Variants in ZNF417 observed in about 807,000 individuals in gnomAD.
ZNF417 encodes zinc finger protein 417.
In ZNF417, 5 loss-of-function variants were observed where a neutral mutation model predicts 7.4. The observed-to-expected ratio is 0.68, with a 90% confidence interval of 0.35 to 1.43. The LOEUF is 1.43. Ranked by LOEUF, ZNF417 falls within the 40% of genes most tolerant of loss-of-function variation. The pLI is 0.04. For synonymous variants in ZNF417, 147 were observed against 239.1 expected, an observed-to-expected ratio of 0.61 and a Z score of 3.55; for missense variants, 437 against 697.3, an observed-to-expected ratio of 0.63 and a Z score of 4.20.
At position 57,909,306 on chromosome 19, in the gene ZNF417, A is replaced by G. The variant is rs1418442869; in HGVS notation, c.972T>C (p.Tyr324=). ...HQRVHTGERP[Y]ECREYGKSFG... ...AAGATTTCCCATATTCTCTACACTC[A>G]TAAGGCCTTTCTCCAGTGTGAACAC... Residue 324 remains tyrosine, a synonymous_variant, in exon 3 of 3, where the codon TAT becomes TAC. Transcript: ENST00000312026. 3 of 1,613,882 alleles carry G rather than the reference A, an allele frequency of 1.9e-6. No homozygotes were observed. In the East Asian group the frequency reaches 6.7e-5, roughly 36 times the overall value.
rs1006761939 is a variant in ZNF417 at position 57,910,171 on chromosome 19, C to T, written c.164-57G>A. On this transcript the variant is annotated intron_variant, in intron 2 of 2. Transcript: ENST00000312026. The stretch of plus-strand genomic sequence containing the variant: ...AGTACCTCTGACGGGAAGGCACAGC[C>T]CACCCACAAGTACGTCTCACAAATT... 5 of 1,563,592 alleles carry T rather than the reference C, an allele frequency of 3.2e-6. No individual in the cohort carries two copies. The South Asian group carries it at 3.6e-5, about 11-fold the overall frequency.
intron 1 of ZNF417, among the ~76,000 whole-genome samples, chr19:57,912,423 T>C (rs2071907211): frequency 1.3e-5 from 2 of 152,054 alleles, no homozygotes; most frequent in Non-Finnish European, 2.9e-5. Flanking sequence ...AAAAGGTCCA[T>C]CCCCTTCTGA....
In ZNF417 at chr19:57,906,147, A is replaced by T. The variant is rs542581641; in HGVS notation, c.*2403T>A. ...TAAAAATTTACACCACAAGAGACAG[A>T]CACATACTCTTCAGGGTGTATGGTC... On this transcript the variant is annotated 3_prime_UTR_variant, in exon 3 of 3. Transcript: ENST00000312026. Among the ~76,000 whole-genome samples, 34 of 152,310 alleles carry T rather than the reference A, an allele frequency of 2.2e-4. No individual in the cohort carries two copies. Among genetic ancestry groups the T allele is most frequent in the African/African-American group, 6.7e-4 (28 of 41,578 alleles).
Position 57,909,199 on chromosome 19 carries a change from G to C in ZNF417, c.1079C>G (p.Ser360Cys), listed in dbSNP as rs2122520644. ...AATAAAGCAGAACTTCTGACGAAAA[G>C]ATTTCCCACATTCCCCACAGTGATA... ...RAYHCGECGK[S>C]FRQKFCFINH... The change falls in exon 3 of 3, where the codon TCT becomes TGT. Residue 360 changes from serine to cysteine, a missense_variant. Around this residue, in one of 5 missense-constraint regions of ZNF417, gnomAD observed 53 missense variants for 91.9 expected, o/e 0.58. Coordinates refer to ENST00000312026, the MANE Select transcript of ZNF417 (RefSeq NM_152475.3). The C allele has an allele frequency of 1.9e-6, 3 of 1,614,052 alleles. No individual in the cohort carries two copies. The highest frequency in any genetic ancestry group is 4.5e-5 in the East Asian group (2 of 44,876).
At chr19:57,912,246 A>G in intron 1 of ZNF417, 57 bp from the exon 2 acceptor site, 1 of 1,605,496 alleles carries the variant, frequency 6.2e-7, no homozygotes, top group South Asian at 1.1e-5. Flanking sequence ...ACCACAACCC[A>G]CCTCTCCCAC....
At position 57,908,885 on chromosome 19, in the gene ZNF417, C is replaced by T. The variant is rs373607949; in HGVS notation, c.1393G>A (p.Ala465Thr). ...AATAATTTCCCACATACCTCACACG[C>T]ATATGGCCTTTCTCCAGTGTGAACT... ...ERVHTGERPY[A>T]CEVCGKLFGN... Residue 465 changes from alanine to threonine, a missense_variant, in exon 3 of 3, where the codon GCG becomes ACG. Physicochemically the swap from Ala to Thr is moderately conservative, Grantham distance 58. Around this residue, in one of 5 missense-constraint regions of ZNF417, gnomAD observed 233 missense variants for 235.5 expected, o/e 0.99. Transcript: ENST00000312026. 103 of 1,614,096 alleles carry T rather than the reference C, an allele frequency of 6.4e-5. No individual in the cohort carries two copies. Among genetic ancestry groups the T allele is most frequent in the Non-Finnish European group, 8.2e-5 (97 of 1,180,060 alleles).
At position 57,914,560 on chromosome 19, in the gene ZNF417, C is replaced by T. The variant is rs116932077; in HGVS notation, c.33+1819G>A. ...CTTTACAAAAAGTGAATCCTGTATC[C>T]AGACTCATGTGATTTGCCACGTATC... On this transcript the variant is annotated intron_variant, in intron 1 of 2. Transcript: ENST00000312026. Among the ~76,000 whole-genome samples, 1,364 of 150,344 alleles carry T rather than the reference C, an allele frequency of 9.1e-3. 11 individuals are homozygous for T. Among genetic ancestry groups the T allele is most frequent in the Middle Eastern group, 0.045 (13 of 290 alleles).
At chr19:57,916,000 T>C (rs1244560545) in intron 1 of ZNF417, among the ~76,000 whole-genome samples, 1 of 152,126 alleles carries the variant, frequency 6.6e-6, no homozygotes. Context: ...CCTCTATGAA[T>C]CCATCTCAGG....
At position 57,909,340 on chromosome 19, in the gene ZNF417, C is replaced by G. The variant is rs770140721; in HGVS notation, c.938G>C (p.Ser313Thr). ...KSFSQKGSLISHQRVHTGERP... is the reference protein window; with the variant it reads ...KSFSQKGSLITHQRVHTGERP... ...TTCTCCAGTGTGAACACGCTGATGGCTAATAAGGCTGCCCTTCTGACTAAA... is the reference window on the plus strand; with the variant it reads ...TTCTCCAGTGTGAACACGCTGATGGGTAATAAGGCTGCCCTTCTGACTAAA... Residue 313 changes from serine (S) to threonine (T), a missense_variant, in exon 3 of 3, where the codon AGC (serine) becomes ACC (threonine). Ser to Thr is a moderately conservative substitution (Grantham distance 58). Transcript: ENST00000312026. 8 of 1,613,930 alleles carry G rather than the reference C, an allele frequency of 5.0e-6. No homozygotes were observed. Among genetic ancestry groups the G allele is most frequent in the Non-Finnish European group, 6.8e-6 (8 of 1,179,926 alleles).
chr19:57,911,939 T>C lies in ZNF417; in HGVS notation c.163+121A>G, dbSNP rs549596995. ...GAAAAGGCAATACACACAACTTACA[T>C]AGAGAAGTGTAGAAGGAACCTGTGT... On this transcript the variant is annotated intron_variant, in intron 2 of 2. Transcript: ENST00000312026. 4.0e-5 allele frequency: 58 copies of C among 1,463,804 alleles called. 1 individual carries two copies. In the South Asian group the frequency reaches 7.9e-4, roughly 20 times the overall value. The allele number at this position is 1,463,804 out of a possible 1,614,324, so 90.7% of individuals were successfully genotyped here.
intron 1 of ZNF417, among the ~76,000 whole-genome samples, chr19:57,915,018 C>T (rs1328138801): frequency 6.6e-6 from 1 of 152,216 alleles, no homozygotes; most frequent in African/African-American, 2.4e-5. Context: ...AGTGCTTCTG[C>T]AGCCAGGAGT....
Position 57,908,930 on chromosome 19 carries a change from G to A in ZNF417, c.1348C>T (p.His450Tyr). The change falls in exon 3 of 3, where the codon CAT becomes TAT. Residue 450 changes from histidine (H) to tyrosine (Y), a missense_variant. This residue lies in a region of ZNF417 where 233 missense variants were observed against 235.5 expected (regional missense o/e 0.99). Coordinates refer to ENST00000312026, the MANE Select transcript of ZNF417 (RefSeq NM_152475.3). ...TGAACTCTCTCATGAACGAGAAGATGATACTTCCTGTTAAATAATTTCCCA... is the reference window on the plus strand; with the variant it reads ...TGAACTCTCTCATGAACGAGAAGATAATACTTCCTGTTAAATAATTTCCCA... ...ECGKLFNRKY[H>Y]LLVHERVHTG... is the part of the protein sequence containing the mutation. 1 of 1,612,452 alleles carries A rather than the reference G, an allele frequency of 6.2e-7. No homozygotes were observed. The highest frequency in any genetic ancestry group is 1.1e-5 in the South Asian group (1 of 91,014).
Position 57,906,351 on chromosome 19 carries a change from C to A in ZNF417, c.*2199G>T, listed in dbSNP as rs1568526792. Among the ~76,000 whole-genome samples the A allele has an allele frequency of 6.6e-6, 1 of 151,970 alleles. No individual in the cohort carries two copies. Among genetic ancestry groups the A allele is most frequent in the African/African-American group, 2.4e-5 (1 of 41,360 alleles). ...TATAACATGCTGTAATACAAGGTGACATTTAGGGGCTGAGACTGTTAACAT... is the reference window on the plus strand; with the variant it reads ...TATAACATGCTGTAATACAAGGTGAAATTTAGGGGCTGAGACTGTTAACAT... On this transcript the variant is annotated 3_prime_UTR_variant, in exon 3 of 3. Transcript: ENST00000312026.
intron 2 of ZNF417, 141 bp downstream of exon 2, chr19:57,911,919 G>A (rs2071901917): frequency 1.2e-5 from 17 of 1,404,816 alleles, no homozygotes; most frequent in East Asian, 2.6e-5. Flanking sequence ...GAAAGGAAAA[G>A]GCAATACACA....
Position 57,907,875 on chromosome 19 carries a change from C to T in ZNF417, c.*675G>A, listed in dbSNP as rs138076574. On this transcript the variant is annotated 3_prime_UTR_variant, in exon 3 of 3. Transcript: ENST00000312026. ...GAAATTAGTTAATGTGGATGAATGA[C>T]GTTACCCATGGAGAATGAAGTAAGT... is the stretch of plus-strand genomic sequence containing the variant. 7.1e-4 allele frequency: 109 copies of T among 152,760 alleles called. 1 individual carries two copies. Among genetic ancestry groups the T allele is most frequent in the Middle Eastern group, 3.1e-3 (1 of 326 alleles). The allele number at this position is 152,760 out of a possible 1,614,324, so 9.5% of individuals were successfully genotyped here.
In ZNF417 at chr19:57,908,172, C is replaced by T. The variant is rs953153410; in HGVS notation, c.*378G>A. 2.1e-5 allele frequency: 6 copies of T among 287,252 alleles called. No individual in the cohort carries two copies. Among genetic ancestry groups the T allele is most frequent in the Admixed American group, 9.7e-5 (2 of 20,708 alleles). 17.8% of individuals were successfully genotyped at this position (287,252 alleles called of 1,614,324 possible). On this transcript the variant is annotated 3_prime_UTR_variant, in exon 3 of 3. Coordinates refer to ENST00000312026, the MANE Select transcript of ZNF417 (RefSeq NM_152475.3). ...CTGTTTCACTGCCCAGCAATCTATACGTATTGTCACTTGGGGACACTTATG... is the reference window on the plus strand; with the variant it reads ...CTGTTTCACTGCCCAGCAATCTATATGTATTGTCACTTGGGGACACTTATG...
chr19:57,914,075 T>A (rs2071922595), intron 1 of ZNF417, among the ~76,000 whole-genome samples: 1 of 152,198 alleles, frequency 6.6e-6, no homozygotes. Flanking sequence ...CAGTCAATAT[T>A]ATGTCAATAC....
chr19:57,908,918 G>A lies in ZNF417; in HGVS notation c.1360C>T (p.His454Tyr). The A allele has an allele frequency of 1.2e-6, 2 of 1,613,966 alleles. No individual in the cohort carries two copies. The highest frequency in any genetic ancestry group is 1.7e-6 in the Non-Finnish European group (2 of 1,179,894). The change falls in exon 3 of 3, where the codon CAT (histidine) becomes TAT (tyrosine). Residue 454 changes from histidine to tyrosine, a missense_variant. By Grantham distance (83) the His-to-Tyr change is moderately conservative. Transcript: ENST00000312026. Reference sequence around the variant, plus strand: ...CTTTCTCCAGTGTGAACTCTCTCATGAACGAGAAGATGATACTTCCTGTTA... The same window carrying A: ...CTTTCTCCAGTGTGAACTCTCTCATAAACGAGAAGATGATACTTCCTGTTA... ...LFNRKYHLLV[H>Y]ERVHTGERPY...
At chr19:57,911,272 C>T (rs1444345157) in intron 2 of ZNF417, among the ~76,000 whole-genome samples, 3 of 152,162 alleles carry the variant, frequency 2.0e-5, no homozygotes, top group Non-Finnish European at 4.4e-5. Flanking sequence ...AGAACTAACA[C>T]GTGTGAAACT....
Sources: gnomAD v4.1 joint callset for allele counts (sites outside exome capture counted in the v4.1 genomes callset) on GRCh38, gnomAD v4.1.1 for gene constraint, gnomAD v4.1.1 regional missense constraint, MANE v1.5 for transcripts, NCBI Gene and HGNC (gene_info 2026-07-23, HGNC 2026-07-21) for gene names.